PACRG: variants seen among roughly 807,000 people sequenced by gnomAD.
PACRG encodes the protein parkin coregulated.
PACRG carries 29 observed loss-of-function variants against 29.7 expected under a neutral mutation model. The observed-to-expected ratio is 0.98, with a 90% CI of 0.73 to 1.33. The LOEUF (loss-of-function observed/expected upper bound fraction) is 1.33. Among genes scored for constraint, PACRG ranks in the 40% most tolerant of loss-of-function variants. The probability of loss-of-function intolerance (pLI) is 0.00; values close to 1 mark genes in which losing one functional copy is unlikely to be tolerated. For synonymous variants in PACRG, 116 were observed against 118.7 expected, an observed-to-expected ratio of 0.98 and a Z score of 0.15; for missense variants, 279 against 316.2, an observed-to-expected ratio of 0.88 and a Z score of 0.89.
intron 2 of PACRG, among the ~76,000 whole-genome samples, chr6:163,004,290 T>A (rs979794117): frequency 2.6e-5 from 4 of 151,016 alleles, no homozygotes; most frequent in African/African-American, 9.7e-5. Context: ...ATATTAGCTA[T>A]AATATTGTAT....
chr6:163,092,741 C>T (rs934804653), intron 4 of PACRG, among the ~76,000 whole-genome samples: 5 of 152,136 alleles, frequency 3.3e-5, no homozygotes, highest in Non-Finnish European at 7.3e-5. Context: ...TCACATGGAG[C>T]CTGTCCATGA....
intron 2 of PACRG, among the ~76,000 whole-genome samples, chr6:162,875,952 T>A (rs1793308360): frequency 6.6e-6 from 1 of 152,180 alleles, no homozygotes; most frequent in Non-Finnish European, 1.5e-5. Context: ...ATCATGCTTG[T>A]CTGAAGTGAA....
At chr6:163,095,752 T>C (rs990128282) in intron 4 of PACRG, among the ~76,000 whole-genome samples, 1 of 152,148 alleles carries the variant, frequency 6.6e-6, no homozygotes, top group Non-Finnish European at 1.5e-5. Flanking sequence ...AAGGATTGGA[T>C]TAAGGGCCCA....
chr6:163,063,031 G>T (rs2128265557), intron 3 of PACRG, among the ~76,000 whole-genome samples: 1 of 152,264 alleles, frequency 6.6e-6, no homozygotes, highest in South Asian at 2.1e-4. Context: ...GCATCCACTG[G>T]TACAGGCTCA....
chr6:163,252,476 C>T (rs1782947008), intron 4 of PACRG, among the ~76,000 whole-genome samples: 1 of 152,178 alleles, frequency 6.6e-6, no homozygotes, highest in Admixed American at 6.5e-5. Flanking sequence ...GGGCTGGGTC[C>T]CGTGGCTCTG....
intron 2 of PACRG, among the ~76,000 whole-genome samples, chr6:162,956,673 G>A (rs375578397): frequency 2.6e-5 from 4 of 152,138 alleles, no homozygotes; most frequent in African/African-American, 7.2e-5. Flanking sequence ...TCCTGCAGCC[G>A]CATGGCCTTC....
At chr6:163,089,612 A>G (rs938011012) in intron 4 of PACRG, among the ~76,000 whole-genome samples, 4 of 152,200 alleles carry the variant, frequency 2.6e-5, no homozygotes, top group South Asian at 2.1e-4. Context: ...ATTACTCCTC[A>G]GGTACAGCTT....
At chr6:162,958,121 A>G (rs888372307) in intron 2 of PACRG, among the ~76,000 whole-genome samples, 4 of 152,202 alleles carry the variant, frequency 2.6e-5, no homozygotes, top group Admixed American at 6.5e-5. Context: ...AAAGAAAATA[A>G]ATTACTAAAA....
chr6:163,055,364 G>A lies in PACRG; in HGVS notation c.292-6786G>A, dbSNP rs564083638. Among the ~76,000 whole-genome samples, 12 of 151,250 alleles carry A rather than the reference G, an allele frequency of 7.9e-5. No individual in the cohort carries two copies. The highest frequency in any genetic ancestry group is 2.0e-4 in the East Asian group (1 of 4,984). On this transcript the variant is annotated intron_variant, in intron 2 of 4. Coordinates refer to ENST00000366888, the MANE Select transcript of PACRG (RefSeq NM_001080379.2). This position sits in a 1 kb window ranked among gnomAD's most constrained non-coding sequence, Gnocchi z 4.0. ...CATGCACACACACACGCACACACAC[G>A]CACACATATACACACATGCACTCAC...
chr6:162,786,456 G>C (rs564933029), intron 1 of PACRG, among the ~76,000 whole-genome samples: 1 of 152,312 alleles, frequency 6.6e-6, no homozygotes, highest in Admixed American at 6.5e-5. Flanking sequence ...AACATGTGTG[G>C]AATTAATGTA....
At chr6:162,902,822 T>G (rs1169912861) in intron 2 of PACRG, among the ~76,000 whole-genome samples, 1 of 152,212 alleles carries the variant, frequency 6.6e-6, no homozygotes, top group African/African-American at 2.4e-5. Context: ...AAATAAAGTA[T>G]TCCTCTTATC....
At position 162,796,366 on chromosome 6, in the gene PACRG, G is replaced by T. The variant is rs1785381657; in HGVS notation, c.157-17781G>T. Among the ~76,000 whole-genome samples, 6 of 151,936 alleles carry T rather than the reference G, an allele frequency of 3.9e-5. No individual in the cohort carries two copies. The South Asian group carries it at 1.3e-3, about 32-fold the overall frequency. ...ATTAATAGCTGAGATGTTGGTCCAG[G>T]TTCTGTGAAATTATTTTGTAATGTT... On this transcript the variant is annotated intron_variant, in intron 1 of 4. Coordinates refer to ENST00000366888, the MANE Select transcript of PACRG (RefSeq NM_001080379.2).
At chr6:163,023,616 G>T (rs2128222309) in intron 2 of PACRG, among the ~76,000 whole-genome samples, 1 of 152,292 alleles carries the variant, frequency 6.6e-6, no homozygotes, top group Middle Eastern at 3.4e-3. Flanking sequence ...TGGGTCAAAT[G>T]ATCGCTCTGC....
chr6:163,017,550 T>A (rs1806222025), intron 2 of PACRG, among the ~76,000 whole-genome samples: 1 of 152,178 alleles, frequency 6.6e-6, no homozygotes, highest in Non-Finnish European at 1.5e-5. Context: ...CACTTGTCTC[T>A]TGTAAGGCAT....
intron 4 of PACRG, among the ~76,000 whole-genome samples, chr6:163,180,516 C>T (rs1399257241): frequency 2.0e-5 from 3 of 152,064 alleles, no homozygotes; most frequent in African/African-American, 7.2e-5. Flanking sequence ...CATCCCAGCA[C>T]TTCGGGAGGC....
At chr6:163,168,558 A>AAACAACAGC (rs1554377022) in intron 4 of PACRG, among the ~76,000 whole-genome samples, 2 of 151,564 alleles carry the variant, frequency 1.3e-5, no homozygotes, top group Non-Finnish European at 3.0e-5. Context: ...TATTCTAATA[A>AAACAACAGC]AACAACAACA....
intron 1 of PACRG, among the ~76,000 whole-genome samples, chr6:162,729,345 G>A (rs1271303897): frequency 1.3e-5 from 2 of 152,130 alleles, no homozygotes; most frequent in Non-Finnish European, 2.9e-5. Flanking sequence ...GTTTTCCAGT[G>A]TCACATTATT....
intron 4 of PACRG, among the ~76,000 whole-genome samples, chr6:163,199,616 G>T (rs1278127384): frequency 6.6e-6 from 1 of 152,206 alleles, no homozygotes; most frequent in East Asian, 1.9e-4. Flanking sequence ...TGCCAAGCTT[G>T]GCCGCCTCTC....
intron 2 of PACRG, chr6:163,016,120 G>C (rs975091574): frequency 6.6e-6 from 1 of 152,160 alleles, no homozygotes; most frequent in African/African-American, 2.4e-5. Context: ...GACAAGACGA[G>C]GTGTTCTCAA....
Sources: allele counts gnomAD v4.1 joint callset (sites outside exome capture counted in the v4.1 genomes callset), GRCh38; gene constraint gnomAD v4.1.1; non-coding constraint Gnocchi (gnomAD v3.1); transcripts MANE v1.5; gene names NCBI Gene and HGNC (gene_info 2026-07-23, HGNC 2026-07-21).